BMERB1: variants seen among roughly 807,000 people sequenced by gnomAD.
BMERB1 encodes bMERB domain containing 1, also known as bMERB domain-containing protein 1.
In BMERB1, 12 loss-of-function variants were observed where a neutral mutation model predicts 23.6. That is an observed-to-expected ratio of 0.51 (90% CI 0.33 to 0.82). BMERB1 has a LOEUF of 0.82. Ranked by LOEUF, BMERB1 falls within the 40% of genes least tolerant of loss-of-function variation. BMERB1 has a pLI of 0.03. For missense variants in BMERB1, 247 were observed against 255.4 expected, an observed-to-expected ratio of 0.97 and a Z score of 0.22; for synonymous variants, 122 against 96.6, an observed-to-expected ratio of 1.26 and a Z score of -1.54.
At position 15,535,932 on chromosome 16, in the gene BMERB1, GCCCTCAGATCTCATGAGAACTCAC is replaced by G. The variant is rs1446514066; in HGVS notation, c.230+20507_230+20530del. Among the ~76,000 whole-genome samples, 7 of 152,194 alleles carry G rather than the reference GCCCTCAGATCTCATGAGAACTCAC, an allele frequency of 4.6e-5. No individual in the cohort carries two copies. The South Asian group carries it at 1.5e-3, about 32-fold the overall frequency. The stretch of plus-strand genomic sequence containing the variant: ...AGGGGAAATGCCAGACACTTATAAA[GCCCTCAGATCTCATGAGAACTCAC>G]CCTTTATCACGAGAACAGCATGGAG... On this transcript the variant is annotated intron_variant, in intron 2 of 5. Coordinates refer to ENST00000300006, the MANE Select transcript of BMERB1 (RefSeq NM_033201.3).
At chr16:15,568,395 T>C (rs1283381639) in intron 3 of BMERB1, among the ~76,000 whole-genome samples, 2 of 152,146 alleles carry the variant, frequency 1.3e-5, no homozygotes, top group Admixed American at 1.3e-4. Context: ...CCCAGCACTT[T>C]AGGAGGCTGA....
At chr16:15,508,928 A>G (rs1018191480) in intron 1 of BMERB1, among the ~76,000 whole-genome samples, 3 of 151,676 alleles carry the variant, frequency 2.0e-5, no homozygotes, top group Non-Finnish European at 2.9e-5. Context: ...AACGATTTGT[A>G]TCTGATTCAA....
At chr16:15,571,663 C>G (rs1163308888) in intron 3 of BMERB1, among the ~76,000 whole-genome samples, 1 of 152,060 alleles carries the variant, frequency 6.6e-6, no homozygotes, top group East Asian at 1.9e-4. Context: ...CCAAAACTGC[C>G]TTTCTTTTTT....
At chr16:15,471,866 C>G (rs963787021) in intron 1 of BMERB1, among the ~76,000 whole-genome samples, 14 of 152,236 alleles carry the variant, frequency 9.2e-5, no homozygotes, top group African/African-American at 2.7e-4. Flanking sequence ...GCATGAGCCA[C>G]TGCACCCAGC....
chr16:15,555,088 A>T (rs1427240830), intron 2 of BMERB1, among the ~76,000 whole-genome samples: 2 of 152,150 alleles, frequency 1.3e-5, no homozygotes, highest in Non-Finnish European at 2.9e-5. Context: ...AAGAAAATTG[A>T]CTATTTTCAA....
At chr16:15,474,799 C>T (rs2051261390) in intron 1 of BMERB1, among the ~76,000 whole-genome samples, 1 of 152,084 alleles carries the variant, frequency 6.6e-6, no homozygotes. Context: ...AGCGATTCTC[C>T]TGCCTCAGCC....
intron 1 of BMERB1, among the ~76,000 whole-genome samples, chr16:15,473,196 G>A (rs1369964449): frequency 6.6e-6 from 1 of 151,680 alleles, no homozygotes; most frequent in African/African-American, 2.4e-5. Flanking sequence ...ATTGATTTTT[G>A]TGGGTACATA....
rs1168488547 is a variant in BMERB1, at chr16:15,534,286, CAAAAAAA to C, written c.230+18881_230+18887del. On this transcript the variant is annotated intron_variant, in intron 2 of 5. Coordinates refer to ENST00000300006, the MANE Select transcript of BMERB1 (RefSeq NM_033201.3). ...AAGACCTTGATTTTTTTTTTAATTGCAAAAAAAAAAAAAAAAAAAAAAAAAAAAAGAA... is the reference window on the plus strand; with the variant it reads ...AAGACCTTGATTTTTTTTTTAATTGCAAAAAAAAAAAAAAAAAAAAAAGAA... Among the ~76,000 whole-genome samples, 98 of 41,968 alleles carry C rather than the reference CAAAAAAA, an allele frequency of 2.3e-3. No homozygotes were observed. The South Asian group carries it at 0.024, about 10-fold the overall frequency. The allele number at this position is 41,968 out of a possible 152,430, so 27.5% of individuals were successfully genotyped here.
At chr16:15,573,313 C>A (rs2030777999) in intron 3 of BMERB1, among the ~76,000 whole-genome samples, 1 of 152,162 alleles carries the variant, frequency 6.6e-6, no homozygotes, top group African/African-American at 2.4e-5. Context: ...TGGGGAATTA[C>A]AATAGAGAAA....
intron 2 of BMERB1, among the ~76,000 whole-genome samples, chr16:15,529,212 G>T (rs1274509872): frequency 6.6e-6 from 1 of 152,062 alleles, no homozygotes; most frequent in East Asian, 1.9e-4. Flanking sequence ...TTTATTGGTA[G>T]AGACAGGGTT....
chr16:15,482,128 T>C (rs1443838501), intron 1 of BMERB1, among the ~76,000 whole-genome samples: 1 of 152,080 alleles, frequency 6.6e-6, no homozygotes, highest in Non-Finnish European at 1.5e-5. Context: ...GCCATTGATA[T>C]TGGCAAGGTG....
chr16:15,498,362 C>T (rs1286582733), intron 1 of BMERB1, among the ~76,000 whole-genome samples: 1 of 151,824 alleles, frequency 6.6e-6, no homozygotes, highest in Non-Finnish European at 1.5e-5. Context: ...GGTGAGACTC[C>T]GTCTCTACAA....
chr16:15,521,559 C>A (rs915752012), intron 2 of BMERB1, among the ~76,000 whole-genome samples: 3 of 152,184 alleles, frequency 2.0e-5, no homozygotes, highest in Admixed American at 1.3e-4. Context: ...AGGTCAAGTT[C>A]ACAGACCAGC....
chr16:15,484,394 C>T (rs375991286), intron 1 of BMERB1, among the ~76,000 whole-genome samples: 10 of 152,150 alleles, frequency 6.6e-5, no homozygotes, highest in African/African-American at 2.4e-4. Context: ...AAATTATGCT[C>T]TTCCCCCAAC....
At chr16:15,556,814 G>T (rs2030272709) in intron 2 of BMERB1, among the ~76,000 whole-genome samples, 1 of 152,122 alleles carries the variant, frequency 6.6e-6, no homozygotes, top group African/African-American at 2.4e-5. Flanking sequence ...TCGATTTCTT[G>T]ACCTCGTGAT....
intron 2 of BMERB1, among the ~76,000 whole-genome samples, chr16:15,515,736 C>T (rs1197624808): frequency 6.6e-6 from 1 of 152,160 alleles, no homozygotes; most frequent in Non-Finnish European, 1.5e-5. Context: ...TGGTGTCTTT[C>T]ACGAGCGCAC....
chr16:15,489,166 C>T (rs1234797312), intron 1 of BMERB1, among the ~76,000 whole-genome samples: 1 of 152,268 alleles, frequency 6.6e-6, no homozygotes, highest in African/African-American at 2.4e-5. Flanking sequence ...TAGGCCACAC[C>T]TGGGTAGGGT....
chr16:15,477,093 C>T (rs1465025048), intron 1 of BMERB1, among the ~76,000 whole-genome samples: 1 of 152,158 alleles, frequency 6.6e-6, no homozygotes, highest in South Asian at 2.1e-4. Flanking sequence ...AGTCTGTTCT[C>T]ATGCTGCTAT....
chr16:15,475,224 AG>A (rs1408736390), intron 1 of BMERB1, among the ~76,000 whole-genome samples: 2 of 152,142 alleles, frequency 1.3e-5, no homozygotes, highest in Non-Finnish European at 2.9e-5. Context: ...TTGTTGATGC[AG>A]GGTGAGGGCA....
Sources: gnomAD v4.1 joint callset for allele counts (sites outside exome capture counted in the v4.1 genomes callset) on GRCh38, gnomAD v4.1.1 for gene constraint, MANE v1.5 for transcripts, NCBI Gene and HGNC (gene_info 2026-07-23, HGNC 2026-07-21) for gene names.